STK31: variants seen among roughly 807,000 people sequenced by gnomAD.
STK31 encodes serine/threonine-protein kinase 31.
A neutral mutation model predicts 129.7 loss-of-function variants in STK31; 89 were observed. The observed-to-expected ratio is 0.69, with a 90% confidence interval of 0.58 to 0.82. The LOEUF is 0.82. Among genes scored for constraint, STK31 ranks in the 40% least tolerant of loss-of-function variants. STK31 has a pLI of 0.00. For missense variants in STK31, 1,187 were observed against 1,176.4 expected, an observed-to-expected ratio of 1.01 and a Z score of -0.13; for synonymous variants, 448 against 395.3, an observed-to-expected ratio of 1.13 and a Z score of -1.58.
rs536214639 is a variant in STK31, at chr7:23,744,644, G to C, written c.1017+7566G>C. Among the ~76,000 whole-genome samples, 3 of 152,320 alleles carry C rather than the reference G, an allele frequency of 2.0e-5. No homozygotes were observed. The East Asian group carries it at 5.8e-4, about 29-fold the overall frequency. On this transcript the variant is annotated intron_variant, in intron 8 of 23. Coordinates refer to ENST00000355870, the MANE Select transcript of STK31 (RefSeq NM_031414.5). ...ATGTACCCATGGTGTTGGTTGGGTA[G>C]GGCCCTTTGGCTTTAATTCTGGGTT...
intron 16 of STK31, 106 bp downstream of exon 16, chr7:23,781,626 T>C: frequency 4.1e-6 from 3 of 734,146 alleles, no homozygotes; most frequent in Non-Finnish European, 6.6e-6. Flanking sequence ...AGAGGTATTA[T>C]ATAGAAAGTT....
chr7:23,809,762 G>T (rs1314491920), intron 22 of STK31, among the ~76,000 whole-genome samples: 1 of 152,252 alleles, frequency 6.6e-6, no homozygotes, highest in East Asian at 1.9e-4. Context: ...GAGAATTAAA[G>T]TGCTCCTTCC....
intron 23 of STK31, among the ~76,000 whole-genome samples, chr7:23,822,835 G>A (rs1339260327): frequency 6.6e-6 from 1 of 152,168 alleles, no homozygotes; most frequent in Non-Finnish European, 1.5e-5. Context: ...CTGTGAGTGA[G>A]AATATGTGGT....
chr7:23,712,047 C>T, intron 1 of STK31, 52 bp from the exon 2 acceptor site: 3 of 1,434,800 alleles, frequency 2.1e-6, no homozygotes, highest in Non-Finnish European at 1.9e-6. Context: ...GTTTAGTCTT[C>T]ATTCATTATT....
At chr7:23,769,806 C>A in intron 13 of STK31, 50 bp downstream of exon 13, 1 of 1,234,656 alleles carries the variant, frequency 8.1e-7, no homozygotes, top group South Asian at 1.4e-5. Context: ...AGTGTGGTTT[C>A]CTTTCATGGT....
chr7:23,746,069 T>G (rs532217492), intron 8 of STK31, among the ~76,000 whole-genome samples: 2 of 152,070 alleles, frequency 1.3e-5, no homozygotes, highest in Admixed American at 6.5e-5. Flanking sequence ...TGCTCCAGGG[T>G]TGTGGAGTTG....
chr7:23,817,262 T>C (rs1793528922), intron 23 of STK31, among the ~76,000 whole-genome samples: 2 of 152,122 alleles, frequency 1.3e-5, no homozygotes, highest in Non-Finnish European at 2.9e-5. Flanking sequence ...TGCAGCTAGG[T>C]ATATGTATAA....
At chr7:23,719,529 T>G (rs535149085) in intron 4 of STK31, among the ~76,000 whole-genome samples, 1 of 152,172 alleles carries the variant, frequency 6.6e-6, no homozygotes, top group African/African-American at 2.4e-5. Context: ...AAAGCAACAT[T>G]TAACTCAAAA....
chr7:23,825,386 A>G (rs1343814824), intron 23 of STK31, among the ~76,000 whole-genome samples: 1 of 152,182 alleles, frequency 6.6e-6, no homozygotes, highest in East Asian at 1.9e-4. Flanking sequence ...TTATTTGCGT[A>G]GAGGTGTTTA....
At chr7:23,727,491 T>C (rs938195156) in intron 5 of STK31, 176 bp downstream of exon 5, 11 of 581,688 alleles carry the variant, frequency 1.9e-5, no homozygotes, top group Non-Finnish European at 2.1e-5. Context: ...TCACCTCAGA[T>C]TATTCAAGAA....
chr7:23,735,053 C>T (rs113250993), intron 6 of STK31, among the ~76,000 whole-genome samples: 83 of 152,184 alleles, frequency 5.5e-4, no homozygotes, highest in African/African-American at 1.9e-3. Flanking sequence ...AGAATTTGTT[C>T]GTATTTTGTG....
At chr7:23,826,203 A>C (rs924590714) in intron 23 of STK31, among the ~76,000 whole-genome samples, 1 of 152,050 alleles carries the variant, frequency 6.6e-6, no homozygotes, top group Non-Finnish European at 1.5e-5. Flanking sequence ...TGGGGTGTTA[A>C]AGTCTCCCAT....
At chr7:23,816,538 G>A (rs1381165252) in intron 23 of STK31, among the ~76,000 whole-genome samples, 1 of 152,190 alleles carries the variant, frequency 6.6e-6, no homozygotes, top group African/African-American at 2.4e-5. Flanking sequence ...GATTGGAGAT[G>A]AATATGCCTC....
intron 15 of STK31, among the ~76,000 whole-genome samples, chr7:23,780,556 C>A (rs1024203660): frequency 4.6e-5 from 7 of 152,248 alleles, no homozygotes; most frequent in African/African-American, 1.7e-4. Flanking sequence ...CACCTTTCAG[C>A]AAATACACTA....
In STK31 at chr7:23,754,488, T is replaced by A. The variant is rs751626526; in HGVS notation, c.1293+14T>A. The stretch of plus-strand genomic sequence containing the variant: ...TGTGAATATGTGGTGAGTTGGGAAT[T>A]TTTCTCTATTGTGGTTTTTATCTGT... On this transcript the variant is annotated intron_variant, in intron 10 of 23. Coordinates refer to ENST00000355870, the MANE Select transcript of STK31 (RefSeq NM_031414.5). 3.1e-6 allele frequency: 5 copies of A among 1,601,382 alleles called. No homozygotes were observed. In the South Asian group the frequency reaches 4.6e-5, roughly 15 times the overall value.
chr7:23,765,250 C>T (rs1789741573), intron 11 of STK31, among the ~76,000 whole-genome samples: 1 of 151,992 alleles, frequency 6.6e-6, no homozygotes. Flanking sequence ...AGATGGGTTT[C>T]ACGATGTTGC....
chr7:23,744,294 CTTT>C (rs76963559), intron 8 of STK31, among the ~76,000 whole-genome samples: 4 of 139,810 alleles, frequency 2.9e-5, no homozygotes, highest in African/African-American at 8.1e-5. Context: ...TCTAGGATTT[CTTT>C]TTTTTTTTTT....
chr7:23,829,718 T>C (rs951424483), intron 23 of STK31, among the ~76,000 whole-genome samples: 10 of 152,182 alleles, frequency 6.6e-5, no homozygotes, highest in African/African-American at 2.4e-4. Context: ...TGTTAGTTCT[T>C]TGAAAGTTCA....
intron 17 of STK31, among the ~76,000 whole-genome samples, chr7:23,785,210 T>C (rs1212118101): frequency 6.6e-6 from 1 of 152,208 alleles, no homozygotes; most frequent in East Asian, 1.9e-4. Flanking sequence ...GATCCTAGGA[T>C]GCATGTCTGG....
Sources: gnomAD v4.1 joint callset for allele counts (sites outside exome capture counted in the v4.1 genomes callset) on GRCh38, gnomAD v4.1.1 for gene constraint, MANE v1.5 for transcripts, NCBI Gene and HGNC (gene_info 2026-07-23, HGNC 2026-07-21) for gene names.